Variants in FGF13 observed in about 807,000 individuals in gnomAD.
FGF13 encodes fibroblast growth factor homologous factor 2.
FGF13 carries 2 observed loss-of-function variants against 19.5 expected under a neutral mutation model. The ratio of observed to expected loss-of-function variants is 0.10; its 90% CI spans 0.04 to 0.32. FGF13 has a LOEUF of 0.32. Among genes scored for constraint, FGF13 ranks in the 10% least tolerant of loss-of-function variants. The pLI, the probability that FGF13 is intolerant of heterozygous loss-of-function variation, is 1.00. For synonymous variants in FGF13, 72 were observed against 76.9 expected (o/e 0.94, Z 0.33); for missense variants, 113 against 192.7 (o/e 0.59, Z 2.45).
chrX:139,159,005 C>T (rs1320259573), intron 1 of FGF13, among the ~76,000 whole-genome samples: 1 of 111,372 alleles, frequency 9.0e-6, no homozygotes, highest in Non-Finnish European at 1.9e-5. Context: ...TCGAGAAGAG[C>T]AACCCCAAGA....
intron 1 of FGF13, among the ~76,000 whole-genome samples, chrX:139,076,213 C>T (rs764539884): frequency 1.8e-4 from 20 of 111,214 alleles, no homozygotes; most frequent in Middle Eastern, 4.6e-3. Flanking sequence ...TCTCTGATCA[C>T]CTAACACTGA....
At chrX:138,838,498 G>A (rs2091128215) in intron 3 of FGF13, among the ~76,000 whole-genome samples, 1 of 111,736 alleles carries the variant, frequency 8.9e-6, no homozygotes, top group Admixed American at 9.5e-5. Context: ...GTTTCCCAGG[G>A]TCACACATTC....
At chrX:138,900,680 T>C (rs2091527780) in intron 1 of FGF13, among the ~76,000 whole-genome samples, 1 of 111,966 alleles carries the variant, frequency 8.9e-6, no homozygotes, top group Admixed American at 9.5e-5. Context: ...TCTGATTGTG[T>C]TGCCTCTCAC....
At chrX:138,816,490 A>G (rs1226521166) in intron 3 of FGF13, among the ~76,000 whole-genome samples, 1 of 112,734 alleles carries the variant, frequency 8.9e-6, no homozygotes, top group African/African-American at 3.2e-5. Flanking sequence ...TATCACCAAC[A>G]ATATGAAAAT....
intron 3 of FGF13, among the ~76,000 whole-genome samples, chrX:138,762,361 C>A (rs1010149082): frequency 2.7e-5 from 3 of 111,867 alleles, no homozygotes; most frequent in Non-Finnish European, 5.6e-5. Context: ...ATAATAAATA[C>A]TTATTTAATG....
chrX:139,180,935 C>A (rs999853863), intron 1 of FGF13, among the ~76,000 whole-genome samples: 3 of 112,331 alleles, frequency 2.7e-5, no homozygotes, highest in Non-Finnish European at 3.8e-5. Flanking sequence ...AACAGTTCCA[C>A]AGTTTACTGA....
At chrX:139,174,088 G>A (rs1274532689) in intron 1 of FGF13, among the ~76,000 whole-genome samples, 1 of 111,938 alleles carries the variant, frequency 8.9e-6, no homozygotes, top group Admixed American at 9.4e-5. Context: ...TTTAATGATT[G>A]CCATTCTAAC....
intron 1 of FGF13, among the ~76,000 whole-genome samples, chrX:139,143,923 T>A (rs1472546950): frequency 9.0e-6 from 1 of 111,461 alleles, no homozygotes; most frequent in East Asian, 2.8e-4. Flanking sequence ...CCCAAATGAC[T>A]GCCTTTCTCT....
chrX:138,867,826 TATCTATC>T (rs1569414578), intron 1 of FGF13, among the ~76,000 whole-genome samples: 68 of 103,738 alleles, frequency 6.6e-4, no homozygotes, highest in East Asian at 2.4e-3. Flanking sequence ...TCTATCTATC[TATCTATC>T]ATCTATCTAT....
At position 139,029,054 on chromosome X, in the gene FGF13, C is replaced by T. The variant is rs189857448; in HGVS notation, c.-112-164404G>A. On this transcript the variant is annotated intron_variant, in intron 1 of 2. Transcript: ENST00000421460. ...TCTCTCAAAGTCTCAAATTTCCTTA[C>T]TGTTAAATGGAGACAGAAATATCAA... 4.5e-5 allele frequency among the ~76,000 whole-genome samples: 5 copies of T among 110,943 alleles called. No individual in the cohort carries two copies. The Admixed American group carries it at 4.8e-4, about 11-fold the overall frequency.
downstream of FGF13, among the ~76,000 whole-genome samples, chrX:138,854,574 T>C (rs1239111392): frequency 1.8e-5 from 2 of 112,305 alleles, no homozygotes; most frequent in Non-Finnish European, 3.8e-5. Flanking sequence ...ACTTTATCTA[T>C]ACTAATTAAA....
At chrX:139,056,791 A>C (rs766648611) in intron 1 of FGF13, among the ~76,000 whole-genome samples, 42 of 112,419 alleles carry the variant, frequency 3.7e-4, no homozygotes, top group Non-Finnish European at 4.9e-4. Flanking sequence ...TCTCTGGCTT[A>C]AATGATAGTA....
intron 1 of FGF13, among the ~76,000 whole-genome samples, chrX:139,151,826 G>A (rs1172257267): frequency 1.8e-5 from 2 of 111,702 alleles, no homozygotes; most frequent in Non-Finnish European, 3.8e-5. Flanking sequence ...AACTGCAAAC[G>A]TTAGTCATTC....
intron 3 of FGF13, among the ~76,000 whole-genome samples, chrX:138,838,943 T>C (rs1425479556): frequency 1.8e-5 from 2 of 111,571 alleles, no homozygotes; most frequent in African/African-American, 6.5e-5. Context: ...TTTGAGGGAC[T>C]AGGAGAAGAA....
At chrX:138,913,181 A>ATTT (rs2091597371) in intron 1 of FGF13, among the ~76,000 whole-genome samples, 1 of 26,973 alleles carries the variant, frequency 3.7e-5, no homozygotes, top group Non-Finnish European at 7.4e-5. Context: ...AAAAGCATCT[A>ATTT]CTTTTTTTTT....
chrX:139,174,429 C>T (rs146974973), intron 1 of FGF13, among the ~76,000 whole-genome samples: 10 of 111,988 alleles, frequency 8.9e-5, no homozygotes, highest in Non-Finnish European at 1.3e-4. Flanking sequence ...TGTCAATTTT[C>T]GCTTTTGTTG....
chrX:139,096,173 T>C (rs2083468789), intron 1 of FGF13, among the ~76,000 whole-genome samples: 1 of 111,813 alleles, frequency 8.9e-6, no homozygotes, highest in South Asian at 3.8e-4. Flanking sequence ...GCTCACAACC[T>C]ACTAGTTTGC....
At chrX:138,646,539 G>A (rs1030599629) in intron 3 of FGF13, among the ~76,000 whole-genome samples, 3 of 111,377 alleles carry the variant, frequency 2.7e-5, no homozygotes, top group Non-Finnish European at 5.7e-5. Context: ...CCATTACAAC[G>A]GGCAGCAGCA....
intron 1 of FGF13, among the ~76,000 whole-genome samples, chrX:139,146,938 G>A (rs1405457188): frequency 4.7e-5 from 5 of 106,402 alleles, no homozygotes; most frequent in South Asian, 4.5e-4. Flanking sequence ...TTGGACACAC[G>A]GTGGGGAACA....
Sources: allele counts gnomAD v4.1 joint callset (sites outside exome capture counted in the v4.1 genomes callset), GRCh38; gene constraint gnomAD v4.1.1; transcripts MANE v1.5; gene names NCBI Gene and HGNC (gene_info 2026-07-23, HGNC 2026-07-21).